PTPRD: variants seen among roughly 807,000 people sequenced by gnomAD.
PTPRD encodes the protein protein tyrosine phosphatase receptor type D.
A neutral mutation model predicts 214.5 loss-of-function variants in PTPRD; 34 were observed. The observed-to-expected ratio is 0.16, with a 90% CI of 0.12 to 0.21. The LOEUF (loss-of-function observed/expected upper bound fraction) is 0.21, where lower values mean the gene tolerates loss of function less well. Ranked by LOEUF, PTPRD falls within the 10% of genes least tolerant of loss-of-function variation. The probability of loss-of-function intolerance (pLI) is 1.00; values close to 1 mark genes in which losing one functional copy is unlikely to be tolerated. For synonymous variants in PTPRD, 1,128 were observed against 845.7 expected (o/e 1.33, Z -5.79); for missense variants, 2,545 against 2,398.7 (o/e 1.06, Z -1.27).
intron 10 of PTPRD, among the ~76,000 whole-genome samples, chr9:9,028,116 C>G (rs986652423): frequency 6.6e-6 from 1 of 151,916 alleles, no homozygotes; most frequent in Non-Finnish European, 1.5e-5. Context: ...AGTAACTGCA[C>G]AAAACCTCCC....
chr9:8,757,545 A>G (rs2094096294), intron 11 of PTPRD, among the ~76,000 whole-genome samples: 1 of 151,646 alleles, frequency 6.6e-6, no homozygotes, highest in South Asian at 2.1e-4. Context: ...ATCCCAGGGA[A>G]CAATAAATCT....
chr9:10,165,496 T>C (rs1339851129), intron 3 of PTPRD, among the ~76,000 whole-genome samples: 1 of 151,836 alleles, frequency 6.6e-6, no homozygotes, highest in Non-Finnish European at 1.5e-5. Context: ...TAGCTCTGTG[T>C]AGAAAATAAA....
intron 12 of PTPRD, among the ~76,000 whole-genome samples, chr9:8,702,105 T>A (rs1017405616): frequency 4.6e-5 from 7 of 152,216 alleles, no homozygotes; most frequent in African/African-American, 1.7e-4. Context: ...TCCTACTTTT[T>A]GTAGCTTTTG....
chr9:9,663,973 T>C (rs2096666994), intron 7 of PTPRD, among the ~76,000 whole-genome samples: 1 of 150,952 alleles, frequency 6.6e-6, no homozygotes, highest in Non-Finnish European at 1.5e-5. Context: ...CTATATAACA[T>C]ATTACAATGA....
chr9:8,870,661 A>G (rs2098279274), intron 11 of PTPRD, among the ~76,000 whole-genome samples: 1 of 149,098 alleles, frequency 6.7e-6, no homozygotes, highest in African/African-American at 2.5e-5. Flanking sequence ...GGCAATAGAA[A>G]ACAGGGTTAT....
chr9:9,652,677 C>T (rs748539148), intron 7 of PTPRD, among the ~76,000 whole-genome samples: 2 of 151,526 alleles, frequency 1.3e-5, no homozygotes, highest in Non-Finnish European at 2.9e-5. Flanking sequence ...TGCAATGGCA[C>T]GATCTCGGCT....
chr9:9,117,892 T>A (rs569087153), intron 10 of PTPRD, among the ~76,000 whole-genome samples: 2 of 151,600 alleles, frequency 1.3e-5, no homozygotes, highest in African/African-American at 4.8e-5. Context: ...AAAAAAAAAA[T>A]GAAGGGATGG....
intron 12 of PTPRD, among the ~76,000 whole-genome samples, chr9:8,641,366 A>C (rs1160329869): frequency 1.3e-5 from 2 of 148,392 alleles, no homozygotes; most frequent in African/African-American, 2.6e-5. Context: ...CTTTCCAGTC[A>C]CCATTATTTA....
chr9:10,368,402 T>C (rs1437902874), intron 2 of PTPRD, among the ~76,000 whole-genome samples: 1 of 152,158 alleles, frequency 6.6e-6, no homozygotes, highest in Non-Finnish European at 1.5e-5. Flanking sequence ...CCTTCTATTT[T>C]TGTTCTAAGT....
intron 9 of PTPRD, among the ~76,000 whole-genome samples, chr9:9,354,785 T>C (rs2053062316): frequency 6.6e-6 from 1 of 151,726 alleles, no homozygotes; most frequent in South Asian, 2.1e-4. Context: ...GTGCTTCTCA[T>C]TGAGAAACTG....
chr9:10,219,751 C>T (rs932223442), intron 3 of PTPRD, among the ~76,000 whole-genome samples: 3 of 151,488 alleles, frequency 2.0e-5, no homozygotes, highest in Non-Finnish European at 4.4e-5. Context: ...ACTTAATATC[C>T]TTACCACATT....
At chr9:10,074,703 G>A (rs927102524) in intron 3 of PTPRD, among the ~76,000 whole-genome samples, 4 of 151,756 alleles carry the variant, frequency 2.6e-5, no homozygotes, top group African/African-American at 9.7e-5. Flanking sequence ...GGAAAGAGTG[G>A]GCTCCTGTGA....
intron 14 of PTPRD, among the ~76,000 whole-genome samples, chr9:8,545,568 A>G (rs2079847101): frequency 6.6e-6 from 1 of 152,214 alleles, no homozygotes; most frequent in Non-Finnish European, 1.5e-5. Context: ...TGATTTTCAG[A>G]AGGCAAGGAC....
At chr9:8,672,309 T>A (rs1442265794) in intron 12 of PTPRD, among the ~76,000 whole-genome samples, 1 of 152,178 alleles carries the variant, frequency 6.6e-6, no homozygotes, top group Non-Finnish European at 1.5e-5. Context: ...TGGGTTTTCA[T>A]CATATGATAC....
At chr9:10,515,210 T>C (rs10756046) in intron 2 of PTPRD, among the ~76,000 whole-genome samples, 49,576 of 151,780 alleles carry the variant, frequency 0.33, 8,373 homozygotes, top group Non-Finnish European at 0.38. Context: ...CTTCAACAGA[T>C]TCTTGCTGCT....
chr9:9,347,616 G>C lies in PTPRD; in HGVS notation c.-203+49833C>G, dbSNP rs149191215. 2.0e-5 allele frequency among the ~76,000 whole-genome samples: 3 copies of C among 152,188 alleles called. No homozygotes were observed. The East Asian group carries it at 5.8e-4, about 29-fold the overall frequency. On this transcript the variant is annotated intron_variant, in intron 9 of 45. Transcript: ENST00000381196. ...GGAAAAACAAGGCAATATCCATGCAGTTACACTATATTGCTAGAAGAATAT... is the reference window on the plus strand; with the variant it reads ...GGAAAAACAAGGCAATATCCATGCACTTACACTATATTGCTAGAAGAATAT...
chr9:8,575,980 G>A (rs1235596437), intron 14 of PTPRD, among the ~76,000 whole-genome samples: 1 of 152,142 alleles, frequency 6.6e-6, no homozygotes, highest in East Asian at 1.9e-4. Context: ...ACTTAGGTCA[G>A]TTTACATTTA....
chr9:8,896,337 C>G (rs1184835757), intron 11 of PTPRD, among the ~76,000 whole-genome samples: 1 of 152,276 alleles, frequency 6.6e-6, no homozygotes, highest in South Asian at 2.1e-4. Flanking sequence ...ACAATAGCTT[C>G]TAATAACATT....
intron 44 of PTPRD, among the ~76,000 whole-genome samples, chr9:8,329,972 T>G (rs1838232068): frequency 1.1e-5 from 1 of 87,260 alleles, no homozygotes; most frequent in Non-Finnish European, 2.0e-5. Context: ...GATCGTATCT[T>G]GCTGGGCTCT....
Sources: gnomAD v4.1 joint callset for allele counts (sites outside exome capture counted in the v4.1 genomes callset) on GRCh38, gnomAD v4.1.1 for gene constraint, MANE v1.5 for transcripts, NCBI Gene and HGNC (gene_info 2026-07-23, HGNC 2026-07-21) for gene names.